Variants in TP63 observed in about 807,000 individuals in gnomAD.
The protein encoded by TP63 is tumor protein p63.
TP63 carries 17 observed loss-of-function variants against 82.8 expected under a neutral mutation model. The ratio of observed to expected loss-of-function variants is 0.21; its 90% CI spans 0.14 to 0.31. The LOEUF (loss-of-function observed/expected upper bound fraction) is 0.31, where lower values mean the gene tolerates loss of function less well. Ranked by LOEUF, TP63 falls within the 10% of genes least tolerant of loss-of-function variation. The pLI, the probability that TP63 is intolerant of heterozygous loss-of-function variation, is 1.00. For synonymous variants in TP63, 330 were observed against 321.7 expected (o/e 1.03, Z -0.28); for missense variants, 648 against 895.3 (o/e 0.72, Z 3.52).
At chr3:189,874,496 C>T (rs1395433113) in intron 10 of TP63, among the ~76,000 whole-genome samples, 3 of 152,178 alleles carry the variant, frequency 2.0e-5, no homozygotes, top group African/African-American at 7.2e-5. Context: ...GTTCAAAGGA[C>T]TCTAAGCTAT....
Position 189,839,040 on chromosome 3 carries a change from T to TAA in TP63, c.580-25169_580-25168dup, listed in dbSNP as rs5855274. On this transcript the variant is annotated intron_variant, in intron 4 of 13. Transcript: ENST00000264731. Reference sequence around the variant, plus strand: ...CTAAAAAGCAACTAGTATCCTAAGCTAAAAAAAAAAAAAAAAAAAAAAAAG... The same window carrying TAA: ...CTAAAAAGCAACTAGTATCCTAAGCTAAAAAAAAAAAAAAAAAAAAAAAAAAG... Among the ~76,000 whole-genome samples, 248 of 88,586 alleles carry TAA rather than the reference T, an allele frequency of 2.8e-3. 3 individuals are homozygous for TAA. Among genetic ancestry groups the TAA allele is most frequent in the African/African-American group, 0.012 (242 of 20,844 alleles). The allele number at this position is 88,586 out of a possible 152,430, so 58.1% of individuals were successfully genotyped here.
At chr3:189,812,478 G>A (rs1213771696) in intron 4 of TP63, among the ~76,000 whole-genome samples, 1 of 152,156 alleles carries the variant, frequency 6.6e-6, no homozygotes, top group Non-Finnish European at 1.5e-5. Context: ...TGTAGTGCTG[G>A]TCTAGCATTG....
In TP63 at chr3:189,868,717, G is replaced by A. The variant is rs376910274; in HGVS notation, c.1129+1G>A. 3.1e-6 allele frequency: 5 copies of A among 1,613,812 alleles called. No individual in the cohort carries two copies. The highest frequency in any genetic ancestry group is 1.3e-5 in the African/African-American group (1 of 74,892). On this transcript the variant is annotated splice_donor_variant, in intron 8 of 13. Coordinates refer to ENST00000264731, the MANE Select transcript of TP63 (RefSeq NM_003722.5). LOFTEE classifies it high-confidence loss of function. ...AAGAACGGTGATGGTACGAAGCGCCGTAAGTAGATGTAGTGGCCAAATGGG... is the reference window on the plus strand; with the variant it reads ...AAGAACGGTGATGGTACGAAGCGCCATAAGTAGATGTAGTGGCCAAATGGG...
At chr3:189,868,123 G>A (rs1009820407) in intron 7 of TP63, among the ~76,000 whole-genome samples, 181 bp downstream of exon 7, 3 of 152,172 alleles carry the variant, frequency 2.0e-5, no homozygotes, top group African/African-American at 4.8e-5. Flanking sequence ...AAAGGAAGGT[G>A]GGTAAAGTTA....
intron 3 of TP63, among the ~76,000 whole-genome samples, chr3:189,795,905 C>T (rs556580671): frequency 2.1e-4 from 32 of 152,170 alleles, no homozygotes; most frequent in African/African-American, 7.7e-4. Context: ...TAGACTTCTA[C>T]AGAGCCAGAT....
At chr3:189,641,541 G>T (rs1176763411) in intron 1 of TP63, among the ~76,000 whole-genome samples, 1 of 152,026 alleles carries the variant, frequency 6.6e-6, no homozygotes, top group Non-Finnish European at 1.5e-5. Flanking sequence ...TTACAAACAA[G>T]TTATAATCAT....
At chr3:189,765,447 T>TTTTTTTTTTTTG (rs1722882780) in intron 3 of TP63, among the ~76,000 whole-genome samples, 1 of 111,586 alleles carries the variant, frequency 9.0e-6, no homozygotes, top group Non-Finnish European at 1.9e-5. Context: ...TTTTTTTTTT[T>TTTTTTTTTTTTG]TTTTTTTGAG....
At chr3:189,842,457 A>G (rs1347945901) in intron 4 of TP63, among the ~76,000 whole-genome samples, 1 of 152,174 alleles carries the variant, frequency 6.6e-6, no homozygotes, top group African/African-American at 2.4e-5. Context: ...GAGTTAAACT[A>G]GGTATGTCCA....
chr3:189,849,911 A>G (rs1466892978), intron 4 of TP63, among the ~76,000 whole-genome samples: 1 of 152,224 alleles, frequency 6.6e-6, no homozygotes, highest in African/African-American at 2.4e-5. Flanking sequence ...TCTGTCTTCT[A>G]AAATCATAGG....
At chr3:189,783,076 T>C (rs1724348733) in intron 3 of TP63, among the ~76,000 whole-genome samples, 1 of 151,984 alleles carries the variant, frequency 6.6e-6, no homozygotes, top group Non-Finnish European at 1.5e-5. Context: ...TGCTGTATGA[T>C]TATAGCGGTA....
chr3:189,615,754 T>C, the TP63 span, among the ~76,000 whole-genome samples: 2 of 152,180 alleles, frequency 1.3e-5, no homozygotes, highest in African/African-American at 2.4e-5. Flanking sequence ...CATTTCTCCT[T>C]CCTCATGAAG....
intron 3 of TP63, among the ~76,000 whole-genome samples, chr3:189,742,243 CAAAAAAA>C (rs140413709): frequency 6.4e-5 from 5 of 77,614 alleles, no homozygotes; most frequent in Non-Finnish European, 9.4e-5. Flanking sequence ...AACTCCATCC[CAAAAAAA>C]AAAAAAAAAA....
chr3:189,645,301 G>A, intron 1 of TP63: 1 of 478,800 alleles, frequency 2.1e-6, no homozygotes, highest in South Asian at 3.2e-5. Flanking sequence ...CTCTTGAACT[G>A]CCCTTCTTTG....
At chr3:189,749,757 C>A (rs1008867076) in intron 3 of TP63, among the ~76,000 whole-genome samples, 1 of 152,014 alleles carries the variant, frequency 6.6e-6, no homozygotes, top group African/African-American at 2.4e-5. Flanking sequence ...TATTATTCAC[C>A]TATGTGTCCA....
At chr3:189,841,547 G>T (rs58278017) in intron 4 of TP63, among the ~76,000 whole-genome samples, 30 of 152,238 alleles carry the variant, frequency 2.0e-4, no homozygotes, top group African/African-American at 6.5e-4. Context: ...CACTTTTAGA[G>T]CAGATGTACA....
intron 3 of TP63, among the ~76,000 whole-genome samples, chr3:189,778,691 T>C (rs1431042871): frequency 6.6e-6 from 1 of 152,212 alleles, no homozygotes; most frequent in Non-Finnish European, 1.5e-5. Context: ...ATATATCTTT[T>C]AAAGAGATGC....
At chr3:189,844,817 A>G (rs1714656196) in intron 4 of TP63, among the ~76,000 whole-genome samples, 1 of 152,118 alleles carries the variant, frequency 6.6e-6, no homozygotes, top group South Asian at 2.1e-4. Context: ...TAATTTTTCA[A>G]ACCCTCCTTA....
chr3:189,653,977 A>G (rs1355750028), intron 1 of TP63, among the ~76,000 whole-genome samples: 4 of 152,174 alleles, frequency 2.6e-5, no homozygotes, highest in Admixed American at 1.3e-4. Context: ...TTGAATTTCA[A>G]TTCATCTTCC....
At chr3:189,710,176 T>C (rs1718491742) in intron 1 of TP63, among the ~76,000 whole-genome samples, 3 of 152,158 alleles carry the variant, frequency 2.0e-5, no homozygotes, top group Admixed American at 2.0e-4. Flanking sequence ...AGAGAAAACA[T>C]ACCTTCACTG....
Sources: gnomAD v4.1 joint callset for allele counts (sites outside exome capture counted in the v4.1 genomes callset) on GRCh38, gnomAD v4.1.1 for gene constraint, MANE v1.5 for transcripts, NCBI Gene and HGNC (gene_info 2026-07-23, HGNC 2026-07-21) for gene names.